Variants in PHKB observed in about 807,000 individuals in gnomAD.
PHKB encodes phosphorylase kinase regulatory subunit beta.
Under a neutral mutation model 152.1 loss-of-function variants are expected in PHKB, and 122 were observed. The observed-to-expected ratio is 0.80, with a 90% confidence interval of 0.69 to 0.93. The LOEUF is 0.93. Among genes scored for constraint, PHKB ranks in the 40% least tolerant of loss-of-function variants. PHKB has a pLI of 0.00. For synonymous variants in PHKB, 436 were observed against 464.9 expected (o/e 0.94, Z 0.80); for missense variants, 1,304 against 1,328.4 (o/e 0.98, Z 0.29).
At chr16:47,690,778 C>T (rs1974045748) in intron 27 of PHKB, among the ~76,000 whole-genome samples, 1 of 152,050 alleles carries the variant, frequency 6.6e-6, no homozygotes, top group Non-Finnish European at 1.5e-5. Flanking sequence ...AATGTGTTTC[C>T]ACTCAAGATG....
intron 5 of PHKB, among the ~76,000 whole-genome samples, chr16:47,514,643 C>T (rs1414318217): frequency 6.6e-6 from 1 of 152,182 alleles, no homozygotes; most frequent in African/African-American, 2.4e-5. Context: ...AACATCCTCA[C>T]AGATGTACCC....
At chr16:47,686,907 A>G (rs1456183318) in intron 26 of PHKB, among the ~76,000 whole-genome samples, 1 of 152,196 alleles carries the variant, frequency 6.6e-6, no homozygotes, top group Non-Finnish European at 1.5e-5. Flanking sequence ...TTTAAATATC[A>G]CCAGATACTC....
chr16:47,566,142 T>C (rs1222884007), intron 7 of PHKB: 3 of 650,334 alleles, frequency 4.6e-6, no homozygotes, highest in Non-Finnish European at 8.4e-6. Context: ...ATCATAGCGA[T>C]CCCAGTCGCC....
intron 26 of PHKB, among the ~76,000 whole-genome samples, chr16:47,678,034 C>T (rs1386849895): frequency 4.0e-5 from 6 of 151,234 alleles, no homozygotes; most frequent in Non-Finnish European, 7.4e-5. Context: ...CTTTTTTGTC[C>T]TCGCAATAGT....
At chr16:47,609,193 G>A (rs181817691) in intron 13 of PHKB, among the ~76,000 whole-genome samples, 13 of 152,094 alleles carry the variant, frequency 8.5e-5, no homozygotes, top group African/African-American at 2.9e-4. Context: ...TGTTGATATG[G>A]TCTATTAGTA....
chr16:47,471,224 G>GAT (rs1969761702), intron 1 of PHKB, among the ~76,000 whole-genome samples: 1 of 152,192 alleles, frequency 6.6e-6, no homozygotes, highest in African/African-American at 2.4e-5. Context: ...CCTGGGGCTA[G>GAT]ATAGAGCTGG....
At position 47,693,454 on chromosome 16, in the gene PHKB, A is replaced by G. The variant is rs1377157730; in HGVS notation, c.2842A>G (p.Ile948Val). Residue 948 changes from isoleucine to valine, a missense_variant, in exon 28 of 31, where the codon ATT (isoleucine) becomes GTT (valine). Physicochemically the swap from Ile to Val is conservative, Grantham distance 29. Transcript: ENST00000323584. Reference sequence around the variant, plus strand: ...CGGGTTCTATGACCGAGTGTGGCAGATTCTGGAGCGCACGCCCAATGGGAT... The same window carrying G: ...CGGGTTCTATGACCGAGTGTGGCAGGTTCTGGAGCGCACGCCCAATGGGAT... ...PTGFYDRVWQ[I>V]LERTPNGIIV... 6.2e-7 allele frequency: 1 copy of G among 1,614,090 alleles called. No homozygotes were observed. Among genetic ancestry groups the G allele is most frequent in the Non-Finnish European group, 8.5e-7 (1 of 1,179,996 alleles).
chr16:47,526,317 G>A (rs1325022346), intron 6 of PHKB, among the ~76,000 whole-genome samples: 1 of 152,090 alleles, frequency 6.6e-6, no homozygotes, highest in African/African-American at 2.4e-5. Context: ...GCTGAGGCAG[G>A]GAGAATTGCT....
chr16:47,689,589 A>G (rs1974024753), intron 27 of PHKB, among the ~76,000 whole-genome samples: 1 of 152,196 alleles, frequency 6.6e-6, no homozygotes, highest in East Asian at 1.9e-4. Context: ...CCCTAAATAG[A>G]CTTCAATGCT....
In PHKB at chr16:47,565,832, A is replaced by C; in HGVS notation, c.711-14463A>C. On this transcript the variant is annotated intron_variant, in intron 7 of 30. Coordinates refer to ENST00000323584, the MANE Select transcript of PHKB (RefSeq NM_000293.3). ...CAATGGGCTTTGTCCCTCCAAAGAC[A>C]GAAGCAGCTTGACTGGACTGGGAGG... 2.2e-6 allele frequency: 3 copies of C among 1,372,788 alleles called. No homozygotes were observed. The South Asian group carries it at 3.6e-5, about 17-fold the overall frequency. The allele number at this position is 1,372,788 out of a possible 1,614,324, so 85.0% of individuals were successfully genotyped here. A position where few individuals can be genotyped will look rare whatever the true frequency, so the allele number is the denominator to read the frequency against.
intron 1 of PHKB, chr16:47,463,931 A>G (rs751857456): frequency 6.2e-7 from 1 of 1,614,124 alleles, no homozygotes; most frequent in East Asian, 2.2e-5. Context: ...TAGAGCCAAC[A>G]ATTTGAAATG....
intron 6 of PHKB, among the ~76,000 whole-genome samples, chr16:47,515,880 T>C (rs1342658880): frequency 6.6e-6 from 1 of 152,098 alleles, no homozygotes; most frequent in Non-Finnish European, 1.5e-5. Context: ...TTTAAAAAAT[T>C]TTAGTAACAA....
In PHKB at chr16:47,588,269, A is replaced by G. The variant is rs1971968117; in HGVS notation, c.870+506A>G. Among the ~76,000 whole-genome samples, 4 of 151,872 alleles carry G rather than the reference A, an allele frequency of 2.6e-5. No individual in the cohort carries two copies. In the South Asian group the frequency reaches 8.3e-4, roughly 32 times the overall value. On this transcript the variant is annotated intron_variant, in intron 9 of 30. Transcript: ENST00000323584. ...AAGTGGAATAATTTAGTTATTCAAA[A>G]CAACTCTTTTATGTAAGTAATGTAA...
intron 5 of PHKB, among the ~76,000 whole-genome samples, chr16:47,514,307 G>A (rs1970559140): frequency 6.6e-6 from 1 of 152,154 alleles, no homozygotes; most frequent in South Asian, 2.1e-4. Flanking sequence ...TCTGCAAGCT[G>A]CAAAAGCAAG....
At chr16:47,582,765 A>G (rs1223181225) in intron 8 of PHKB, among the ~76,000 whole-genome samples, 1 of 152,194 alleles carries the variant, frequency 6.6e-6, no homozygotes, top group African/African-American at 2.4e-5. Context: ...ATTGTTTCAG[A>G]TAGAAATATG....
intron 7 of PHKB, among the ~76,000 whole-genome samples, chr16:47,570,726 G>A (rs28824906): frequency 0.017 from 2,498 of 150,616 alleles, 70 homozygotes; most frequent in African/African-American, 0.057. Flanking sequence ...CTTTCTCTTG[G>A]ATCTCATTGA....
intron 13 of PHKB, 74 bp downstream of exon 13, chr16:47,596,605 G>C (rs975698405): frequency 1.9e-5 from 27 of 1,426,012 alleles, no homozygotes; most frequent in African/African-American, 4.2e-5. Context: ...GCCTTTGCTG[G>C]TGTTTATGTT....
At chr16:47,473,218 ATTTTTTTTT>A (rs1043960499) in intron 1 of PHKB, among the ~76,000 whole-genome samples, 51 of 48,756 alleles carry the variant, frequency 1.0e-3, no homozygotes, top group Non-Finnish European at 1.4e-3. Flanking sequence ...TGCCTGGCTA[ATTTTTTTTT>A]TTTTTTTTTT....
chr16:47,483,061 C>CA (rs1310862729), intron 1 of PHKB, among the ~76,000 whole-genome samples: 64 of 95,906 alleles, frequency 6.7e-4, no homozygotes, highest in Middle Eastern at 0.012. Flanking sequence ...TTTTTGGAGA[C>CA]AGAGTCTCAT....
Sources: allele counts gnomAD v4.1 joint callset (sites outside exome capture counted in the v4.1 genomes callset), GRCh38; gene constraint gnomAD v4.1.1; transcripts MANE v1.5; gene names NCBI Gene and HGNC (gene_info 2026-07-23, HGNC 2026-07-21).